Variants in SEMA4B observed in about 807,000 individuals in gnomAD.
The protein encoded by SEMA4B is semaphorin 4B.
A neutral mutation model predicts 88.1 loss-of-function variants in SEMA4B; 55 were observed. That is an observed-to-expected ratio of 0.62 (90% confidence interval 0.50 to 0.78). The LOEUF is 0.78. Ranked by LOEUF, SEMA4B falls within the 30% of genes least tolerant of loss-of-function variation. SEMA4B has a pLI of 0.00. For synonymous variants in SEMA4B, 525 were observed against 473.6 expected, an observed-to-expected ratio of 1.11 and a Z score of -1.41; for missense variants, 1,062 against 1,111.9, an observed-to-expected ratio of 0.96 and a Z score of 0.64.
chr15:90,227,634 T>C lies in SEMA4B; in HGVS notation c.1766T>C (p.Val589Ala), dbSNP rs1487371127. Reference sequence around the variant, plus strand: ...TCTTCGGTTGTGTCCCCGTCTTTTGTACCAACAGGTGAGGTGCCCCCTCAA... The same window carrying C: ...TCTTCGGTTGTGTCCCCGTCTTTTGCACCAACAGGTGAGGTGCCCCCTCAA... ...SASSVVSPSF[V>A]PTGEKPCEQV... The change falls in exon 13 of 14, where the codon GTA becomes GCA. Residue 589 changes from valine to alanine, a missense_variant. Physicochemically the swap from Val to Ala is moderately conservative, Grantham distance 64 (BLOSUM62 0). Coordinates refer to ENST00000411539, the MANE Select transcript of SEMA4B (RefSeq NM_198925.4). 2 of 1,613,846 alleles carry C rather than the reference T, an allele frequency of 1.2e-6. No homozygotes were observed. The highest frequency in any genetic ancestry group is 1.7e-6 in the Non-Finnish European group (2 of 1,179,856).
chr15:90,190,935 C>T (rs1208928662), intron 1 of SEMA4B, among the ~76,000 whole-genome samples: 1 of 152,170 alleles, frequency 6.6e-6, no homozygotes, highest in Non-Finnish European at 1.5e-5. Flanking sequence ...ACCACCACAC[C>T]TGGCTAATTT....
rs150400707 is a variant in SEMA4B at position 90,213,809 on chromosome 15, A to C, written c.158-3630A>C. Among the ~76,000 whole-genome samples the C allele has an allele frequency of 8.1e-3, 1,234 of 152,368 alleles. 15 individuals are homozygous for C. The highest frequency in any genetic ancestry group is 0.028 in the African/African-American group (1,170 of 41,578). ...CTATGGAAAAATCCAAAAGATAAGA[A>C]GGGACCGCAGTGTCTGTCTTGGTCT... On this transcript the variant is annotated intron_variant, in intron 1 of 13. Coordinates refer to ENST00000411539, the MANE Select transcript of SEMA4B (RefSeq NM_198925.4).
At chr15:90,204,252 C>T (rs1396014931) in intron 1 of SEMA4B, among the ~76,000 whole-genome samples, 1 of 152,208 alleles carries the variant, frequency 6.6e-6, no homozygotes, top group African/African-American at 2.4e-5. Flanking sequence ...ACACACCCCT[C>T]TTTCCTCCTG....
chr15:90,198,491 G>T (rs917070821), upstream of SEMA4B, among the ~76,000 whole-genome samples: 1 of 152,118 alleles, frequency 6.6e-6, no homozygotes, highest in Non-Finnish European at 1.5e-5. Flanking sequence ...CTAATATATC[G>T]TATGTTATTC....
intron 1 of SEMA4B, among the ~76,000 whole-genome samples, chr15:90,188,216 C>A (rs1288346233): frequency 1.3e-5 from 2 of 151,776 alleles, no homozygotes; most frequent in South Asian, 4.2e-4. Context: ...CTATCCAGGG[C>A]GCTGAGGTAG....
At chr15:90,195,591 T>C (rs557012452) in intron 1 of SEMA4B, among the ~76,000 whole-genome samples, 19 of 152,058 alleles carry the variant, frequency 1.2e-4, no homozygotes, top group East Asian at 5.8e-4. Context: ...GCTGCAAACA[T>C]TGATGATGTT....
intron 1 of SEMA4B, chr15:90,207,116 G>A (rs1169004721): frequency 6.8e-6 from 2 of 296,124 alleles, no homozygotes; most frequent in African/African-American, 4.4e-5. Context: ...GATGGTCACA[G>A]AAGAGTAGAG....
rs1462017218 is a variant in SEMA4B at position 90,227,918 on chromosome 15, G to C, written c.1789G>C (p.Glu597Gln). Reference sequence around the variant, plus strand: ...TCTGCCTACAGGGGAGAAGCCATGTGAGCAAGTCCAGTTCCAGCCCAACAC... The same window carrying C: ...TCTGCCTACAGGGGAGAAGCCATGTCAGCAAGTCCAGTTCCAGCCCAACAC... ...SFVPTGEKPC[E>Q]QVQFQPNTVN... Residue 597 changes from glutamate to glutamine, a missense_variant, in exon 14 of 14, where the codon GAG becomes CAG. Physicochemically the swap from Glu to Gln is conservative, Grantham distance 29. Coordinates refer to ENST00000411539, the MANE Select transcript of SEMA4B (RefSeq NM_198925.4). 1 of 1,612,428 alleles carries C rather than the reference G, an allele frequency of 6.2e-7. No individual in the cohort carries two copies. Among genetic ancestry groups the C allele is most frequent in the Non-Finnish European group, 8.5e-7 (1 of 1,179,846 alleles).
At chr15:90,199,748 C>T (rs998771359), upstream of SEMA4B, among the ~76,000 whole-genome samples, 4 of 152,016 alleles carry the variant, frequency 2.6e-5, no homozygotes, top group African/African-American at 9.7e-5. Context: ...ATCACTTGAA[C>T]CCAGAAGGCA....
Position 90,201,479 on chromosome 15 carries a change from G to T in SEMA4B, c.-100G>T. On this transcript the variant is annotated 5_prime_UTR_variant, in exon 1 of 14. Coordinates refer to ENST00000411539, the MANE Select transcript of SEMA4B (RefSeq NM_198925.4). ...CCAGGTCCGGAGGCGGGGGCCCCCG[G>T]GGCGACTCGGGGGCGGACCGCGGGG... 7.6e-7 allele frequency: 1 copy of T among 1,309,926 alleles called. No homozygotes were observed. 81.1% of individuals were successfully genotyped at this position (1,309,926 alleles called of 1,614,324 possible).
intron 1 of SEMA4B, 97 bp downstream of exon 1, chr15:90,201,832 G>A: frequency 8.2e-7 from 1 of 1,222,510 alleles, no homozygotes; most frequent in Non-Finnish European, 1.1e-6. Flanking sequence ...CCAAGGAGGG[G>A]ACCTGTCGGA....
chr15:90,187,773 G>A (rs968375707), intron 1 of SEMA4B, among the ~76,000 whole-genome samples: 13 of 151,904 alleles, frequency 8.6e-5, no homozygotes, highest in Admixed American at 2.6e-4. Context: ...TTGGGAGGCC[G>A]AGGCAGGCAG....
chr15:90,217,333 T>C, intron 1 of SEMA4B, 106 bp from the exon 2 acceptor site: 1 of 1,212,324 alleles, frequency 8.2e-7, no homozygotes, highest in East Asian at 2.6e-5. Flanking sequence ...TGCCACCCTT[T>C]GCCTTGCTGA....
chr15:90,217,650 A>C (rs769095462), intron 2 of SEMA4B, 48 bp downstream of exon 2: 8 of 1,608,916 alleles, frequency 5.0e-6, no homozygotes, highest in Non-Finnish European at 6.8e-6. Context: ...AGGACCACAG[A>C]GGGAAGATGG....
At chr15:90,186,382 G>T (rs1455657093) in intron 1 of SEMA4B, among the ~76,000 whole-genome samples, 1 of 151,962 alleles carries the variant, frequency 6.6e-6, no homozygotes, top group African/African-American at 2.4e-5. Context: ...CACTTTGGGA[G>T]GTCGAGGCAG....
chr15:90,217,233 T>A (rs929706235), intron 1 of SEMA4B: 14 of 547,066 alleles, frequency 2.6e-5, no homozygotes, highest in African/African-American at 2.5e-4. Context: ...TGTACATACA[T>A]CTCTGCATCA....
At position 90,202,679 on chromosome 15, in the gene SEMA4B, G is replaced by A. The variant is rs77175964; in HGVS notation, c.157+944G>A. 2.0e-5 allele frequency among the ~76,000 whole-genome samples: 3 copies of A among 152,218 alleles called. No homozygotes were observed. The East Asian group carries it at 5.8e-4, about 29-fold the overall frequency. On this transcript the variant is annotated intron_variant, in intron 1 of 13. Coordinates refer to ENST00000411539, the MANE Select transcript of SEMA4B (RefSeq NM_198925.4). ...GGCAGTCGTAGGTGCCTTGCAAGGT[G>A]TGTTACTCGGGTATGAAGTTTATAA...
At position 90,187,593 on chromosome 15, in the gene SEMA4B, A is replaced by G. The variant is rs1164761113; in HGVS notation, c.-122+2512A>G. Among the ~76,000 whole-genome samples the G allele has an allele frequency of 7.9e-5, 12 of 152,236 alleles. No individual in the cohort carries two copies. In the East Asian group the frequency reaches 2.3e-3, roughly 29 times the overall value. On this transcript the variant is annotated intron_variant, in intron 1 of 14. Transcript: ENST00000332496. ...AGTGCAGAGGGAACTCGCAGGAGCA[A>G]CTCTGGAAATTAGTTGAAAACAGCA...
In SEMA4B at chr15:90,228,736, G is replaced by C; in HGVS notation, c.*93G>C. 6.6e-7 allele frequency: 1 copy of C among 1,525,170 alleles called. No individual in the cohort carries two copies. Among genetic ancestry groups the C allele is most frequent in the Non-Finnish European group, 8.9e-7 (1 of 1,124,370 alleles). 94.5% of individuals were successfully genotyped at this position (1,525,170 alleles called of 1,614,324 possible). On this transcript the variant is annotated 3_prime_UTR_variant, in exon 14 of 14. Transcript: ENST00000411539. ...CCTCCCCTCCGCTCTGCTCTTCGTG[G>C]AACACGACCGTGGTGCCCGGCCCTT...
Sources: gnomAD v4.1 joint callset for allele counts (sites outside exome capture counted in the v4.1 genomes callset) on GRCh38, gnomAD v4.1.1 for gene constraint, MANE v1.5 for transcripts, NCBI Gene and HGNC (gene_info 2026-07-23, HGNC 2026-07-21) for gene names.